Variants in TASOR2 observed in about 807,000 individuals in gnomAD.
TASOR2 encodes transcription activation suppressor family member 2.
TASOR2 carries 84 observed loss-of-function variants against 199.5 expected under a neutral mutation model. That is an observed-to-expected ratio of 0.42 (90% CI 0.35 to 0.50). The LOEUF (loss-of-function observed/expected upper bound fraction) is 0.50, where lower values mean the gene tolerates loss of function less well. Among genes scored for constraint, TASOR2 ranks in the 20% least tolerant of loss-of-function variants. The pLI is 0.02. For synonymous variants in TASOR2, 1,103 were observed against 1,046.6 expected, an observed-to-expected ratio of 1.05 and a Z score of -1.04; for missense variants, 2,796 against 2,835.9, an observed-to-expected ratio of 0.99 and a Z score of 0.32.
chr10:5,763,219 C>G (rs1840155840), exon 21 of TASOR2: 1 of 545,626 alleles, frequency 1.8e-6, no homozygotes, highest in Non-Finnish European at 3.2e-6. Context: ...TTGCAGTTGT[C>G]TGTTAGCTTT....
In TASOR2 at chr10:5,701,706, A is replaced by G. The variant is rs1225684735; in HGVS notation, c.-287-11117A>G. Among the ~76,000 whole-genome samples, 1 of 152,006 alleles carries G rather than the reference A, an allele frequency of 6.6e-6. No individual in the cohort carries two copies. Among genetic ancestry groups the G allele is most frequent in the African/African-American group, 2.4e-5 (1 of 41,400 alleles). On this transcript the variant is annotated intron_variant, in intron 1 of 20. Coordinates refer to ENST00000328090, the Ensembl canonical transcript of TASOR2. This position sits in a 1 kb window ranked among gnomAD's most constrained non-coding sequence, Gnocchi z 4.9. ...GGCTAAATTGATTCCTAGGTATGTT[A>G]TATTCTTTGTAGCTATTGTAAATGG...
At chr10:5,729,120 G>A (rs185252394) in intron 10 of TASOR2, among the ~76,000 whole-genome samples, 26 of 149,902 alleles carry the variant, frequency 1.7e-4, no homozygotes, top group East Asian at 6.1e-4. Context: ...AGGCCAAGGC[G>A]GGCGGATCAC....
intron 17 of TASOR2, 102 bp from the exon 19 acceptor site, chr10:5,758,785 T>C: frequency 1.3e-6 from 1 of 796,376 alleles, no homozygotes; most frequent in Non-Finnish European, 2.1e-6. Flanking sequence ...TGGGTCTTAG[T>C]CTGTTTTTTT....
At position 5,740,971 on chromosome 10, in the gene TASOR2, T is replaced by A. The variant is rs959449024; in HGVS notation, c.2327+474T>A. 6.6e-6 allele frequency among the ~76,000 whole-genome samples: 1 copy of A among 152,212 alleles called. No individual in the cohort carries two copies. Among genetic ancestry groups the A allele is most frequent in the African/African-American group, 2.4e-5 (1 of 41,454 alleles). ...CCTTAAGAAGGAATCAAGTCAGTAATAACAGAGTGGTGAACAGCACAGGCT... is the reference window on the plus strand; with the variant it reads ...CCTTAAGAAGGAATCAAGTCAGTAAAAACAGAGTGGTGAACAGCACAGGCT... On this transcript the variant is annotated intron_variant, in intron 13 of 20. Transcript: ENST00000328090. This position sits in a 1 kb window ranked among gnomAD's most constrained non-coding sequence, Gnocchi z 5.3.
intron 1 of TASOR2, chr10:5,709,572 T>C: frequency 8.1e-7 from 1 of 1,230,920 alleles, no homozygotes; most frequent in Non-Finnish European, 1.0e-6. Context: ...TCAAGAATTC[T>C]GAGGGTATAC....
chr10:5,746,050 GA>G, intron 14 of TASOR2, 128 bp from the exon 16 acceptor site: 1 of 1,087,576 alleles, frequency 9.2e-7, no homozygotes, highest in Non-Finnish European at 1.2e-6. Flanking sequence ...CTTTTAGCTA[GA>G]AAATTCAGAA....
In TASOR2 at chr10:5,742,380, C is replaced by T; in HGVS notation, c.2611C>T (p.Pro871Ser). Residue 871 changes from proline (P) to serine (S), a missense_variant, in exon 14 of 21, where the codon CCT becomes TCT. Around this residue, in one of 3 missense-constraint regions of TASOR2, gnomAD observed 1,941 missense variants for 1,924.9 expected, o/e 1.01. Transcript: ENST00000328090. The surrounding 1 kb of genome is among the most constrained non-coding windows in gnomAD (Gnocchi z 4.2). ...TGCTGCTGAAGTATCCTTCCGTGAT[C>T]CTAACTGCTTGCTTCCTTTCATTAA... 3.1e-6 allele frequency: 5 copies of T among 1,614,096 alleles called. No individual in the cohort carries two copies. Among genetic ancestry groups the T allele is most frequent in the South Asian group, 1.1e-5 (1 of 91,076 alleles).
rs1302015689 is a variant in TASOR2, at chr10:5,717,576, T to G, written c.-191-83T>G. Reference sequence around the variant, plus strand: ...CCTGTCTCAACTATCACAGTAGCTTTCTTTCTAATTGGTCTTCTTGCTTCT... The same window carrying G: ...CCTGTCTCAACTATCACAGTAGCTTGCTTTCTAATTGGTCTTCTTGCTTCT... On this transcript the variant is annotated intron_variant, in intron 2 of 20. Coordinates refer to ENST00000328090, the Ensembl canonical transcript of TASOR2. 3 of 491,832 alleles carry G rather than the reference T, an allele frequency of 6.1e-6. No individual in the cohort carries two copies. In the East Asian group the frequency reaches 1.1e-4, roughly 17 times the overall value. 30.5% of individuals were successfully genotyped at this position (491,832 alleles called of 1,614,324 possible).
At chr10:5,708,684 T>TCCTTC (rs1222326131) in intron 1 of TASOR2, among the ~76,000 whole-genome samples, 5 of 136,848 alleles carry the variant, frequency 3.7e-5, no homozygotes, top group African/African-American at 1.3e-4. Context: ...TTCCTTCCTT[T>TCCTTC]CCTTCCTTTC....
Position 5,740,937 on chromosome 10 carries a change from A to G in TASOR2, c.2327+440A>G, listed in dbSNP as rs1013235252. Reference sequence around the variant, plus strand: ...AAGCAGTTTCACATAAGATTGTTCTATAGATCTCCCTTAAGAAGGAATCAA... The same window carrying G: ...AAGCAGTTTCACATAAGATTGTTCTGTAGATCTCCCTTAAGAAGGAATCAA... On this transcript the variant is annotated intron_variant, in intron 13 of 20. Coordinates refer to ENST00000328090, the Ensembl canonical transcript of TASOR2. This position sits in a 1 kb window ranked among gnomAD's most constrained non-coding sequence, Gnocchi z 5.3. 3.9e-5 allele frequency among the ~76,000 whole-genome samples: 6 copies of G among 152,256 alleles called. No homozygotes were observed. Among genetic ancestry groups the G allele is most frequent in the Non-Finnish European group, 7.3e-5 (5 of 68,044 alleles).
intron 14 of TASOR2, among the ~76,000 whole-genome samples, chr10:5,744,293 T>TTTTTGTTTTG (rs58184617): frequency 0.023 from 3,429 of 150,684 alleles, 119 homozygotes; most frequent in African/African-American, 0.072. Context: ...TGACTCTGTT[T>TTTTTGTTTTG]TTTTGTTTTG....
rs1487115508 is a variant in TASOR2 at position 5,747,160 on chromosome 10, A to G, written c.3739A>G (p.Thr1247Ala). 4.3e-6 allele frequency: 7 copies of G among 1,614,144 alleles called. No individual in the cohort carries two copies. In the African/African-American group the frequency reaches 8.0e-5, roughly 18 times the overall value. The change falls in exon 15 of 21, where the codon ACT (threonine) becomes GCT (alanine). Residue 1247 changes from threonine to alanine, a missense_variant. Coordinates refer to ENST00000328090, the Ensembl canonical transcript of TASOR2. ...GAAGAATCACAAGAATGGTCCAAAC[A>G]CTGAAAATATGAATTTGGAAGCGTT...
At chr10:5,758,355 A>G (rs1359839752) in intron 17 of TASOR2, among the ~76,000 whole-genome samples, 2 of 152,142 alleles carry the variant, frequency 1.3e-5, no homozygotes, top group African/African-American at 4.8e-5. Flanking sequence ...AGCCTGGGCA[A>G]CATAGTGAGA....
exon 15 of TASOR2, chr10:5,746,756 C>G (rs267602531): frequency 6.2e-7 from 1 of 1,614,172 alleles, no homozygotes; most frequent in African/African-American, 1.3e-5. Context: ...GACATTCCCT[C>G]TCTAGTAGTT....
intron 12 of TASOR2, among the ~76,000 whole-genome samples, chr10:5,736,978 T>C (rs1305762497): frequency 1.3e-5 from 2 of 152,174 alleles, no homozygotes; most frequent in Non-Finnish European, 2.9e-5. Flanking sequence ...TGTTTTGTTT[T>C]GAGATAGAAT....
intron 19 of TASOR2, 25 bp from the exon 21 acceptor site, chr10:5,762,507 A>ATTTTTTT: frequency 2.1e-6 from 1 of 470,226 alleles, no homozygotes; most frequent in Non-Finnish European, 3.1e-6. Flanking sequence ...ATTAACCAAA[A>ATTTTTTT]GTTGTTTTTT....
intron 1 of TASOR2, among the ~76,000 whole-genome samples, chr10:5,691,743 A>G (rs1470307810): frequency 1.3e-5 from 2 of 152,184 alleles, no homozygotes; most frequent in African/African-American, 4.8e-5. Context: ...GATCAGGCCA[A>G]ACACTTCATC....
intron 12 of TASOR2, among the ~76,000 whole-genome samples, chr10:5,736,188 AG>A (rs1835549457): frequency 6.6e-6 from 1 of 152,048 alleles, no homozygotes; most frequent in Admixed American, 6.6e-5. Flanking sequence ...TGTGAGGCCG[AG>A]GTGGGTGGAT....
At position 5,720,588 on chromosome 10, in the gene TASOR2, C is replaced by T; in HGVS notation, c.-55C>T. On this transcript the variant is annotated 5_prime_UTR_variant, in exon 4 of 21. Coordinates refer to ENST00000328090, the Ensembl canonical transcript of TASOR2. The surrounding 1 kb of genome is among the most constrained non-coding windows in gnomAD (Gnocchi z 5.3). Reference sequence around the variant, plus strand: ...CAGGCAACACCGTTATTGAACGACCCAGACAGATCTGTCCTTATGTAATTG... The same window carrying T: ...CAGGCAACACCGTTATTGAACGACCTAGACAGATCTGTCCTTATGTAATTG... 1 of 1,612,194 alleles carries T rather than the reference C, an allele frequency of 6.2e-7. No homozygotes were observed. The highest frequency in any genetic ancestry group is 2.2e-5 in the East Asian group (1 of 44,856).
Sources: gnomAD v4.1 joint callset for allele counts (sites outside exome capture counted in the v4.1 genomes callset) on GRCh38, gnomAD v4.1.1 for gene constraint, gnomAD v4.1.1 regional missense constraint, Gnocchi (gnomAD v3.1) non-coding constraint, MANE v1.5 for transcripts, NCBI Gene and HGNC (gene_info 2026-07-23, HGNC 2026-07-21) for gene names.